CCSER2: variants seen among roughly 807,000 people sequenced by gnomAD.
CCSER2 encodes serine-rich coiled-coil domain-containing protein 2.
CCSER2 carries 46 observed loss-of-function variants against 92.3 expected under a neutral mutation model. The ratio of observed to expected loss-of-function variants is 0.50; its 90% confidence interval spans 0.39 to 0.64. The LOEUF is 0.64. CCSER2 is among the 30% of genes least tolerant of loss of function. The probability of loss-of-function intolerance (pLI) is 0.00; values close to 1 mark genes in which losing one functional copy is unlikely to be tolerated. For missense variants in CCSER2, 1,244 were observed against 1,238.9 expected (o/e 1.00, Z -0.06); for synonymous variants, 433 against 431.4 (o/e 1.00, Z -0.04).
chr10:84,359,217 A>G (rs1845365241), intron 1 of CCSER2, among the ~76,000 whole-genome samples: 2 of 152,160 alleles, frequency 1.3e-5, no homozygotes, highest in Non-Finnish European at 2.9e-5. Context: ...TACTGTATCA[A>G]TAGTATTTTA....
At chr10:84,459,394 T>TTG (rs1845964803) in intron 6 of CCSER2, among the ~76,000 whole-genome samples, 1 of 152,222 alleles carries the variant, frequency 6.6e-6, no homozygotes, top group African/African-American at 2.4e-5. Context: ...TCTTGCCTTA[T>TTG]TGCACTGGAT....
intron 9 of CCSER2, among the ~76,000 whole-genome samples, chr10:84,489,187 TGTG>T (rs767380801): frequency 6.6e-6 from 1 of 152,184 alleles, no homozygotes; most frequent in Non-Finnish European, 1.5e-5. Context: ...ATAAGTGTGA[TGTG>T]GTGCTGAGAA....
chr10:84,347,990 C>T (rs576537207), intron 1 of CCSER2, among the ~76,000 whole-genome samples: 1 of 152,254 alleles, frequency 6.6e-6, no homozygotes, highest in East Asian at 1.9e-4. Context: ...GGCAGAGGGG[C>T]TCCTTGTATC....
At chr10:84,387,472 T>C (rs1302521645) in intron 3 of CCSER2, among the ~76,000 whole-genome samples, 1 of 152,236 alleles carries the variant, frequency 6.6e-6, no homozygotes, top group African/African-American at 2.4e-5. Flanking sequence ...TTTGGCACTT[T>C]ATTTCAGTTT....
chr10:84,457,595 ATATTTATATATTATATATAATTATATATT>A (rs1287827063), intron 6 of CCSER2, among the ~76,000 whole-genome samples: 2 of 116,464 alleles, frequency 1.7e-5, no homozygotes, highest in East Asian at 4.4e-4. Context: ...ATATAATTAT[ATATTTATATATTATATATAATTATATATT>A]TATATATTAT....
chr10:84,496,500 T>C, intron 9 of CCSER2, among the ~76,000 whole-genome samples: 1 of 152,110 alleles, frequency 6.6e-6, no homozygotes, highest in East Asian at 1.9e-4. Context: ...TTAGCCAGGA[T>C]GGTCTGGATC....
intron 8 of CCSER2, among the ~76,000 whole-genome samples, chr10:84,475,134 C>T (rs17103509): frequency 0.21 from 31,876 of 152,064 alleles, 3,597 homozygotes; most frequent in Admixed American, 0.34. Context: ...TCTCAGATAC[C>T]CTAGACTTTC....
At chr10:84,397,961 GA>G in intron 3 of CCSER2, among the ~76,000 whole-genome samples, 2 of 152,184 alleles carry the variant, frequency 1.3e-5, no homozygotes, top group African/African-American at 4.8e-5. Context: ...TATAGCATTT[GA>G]GAAACAGGGT....
intron 3 of CCSER2, among the ~76,000 whole-genome samples, chr10:84,379,256 T>C (rs1840762014): frequency 6.6e-6 from 1 of 152,176 alleles, no homozygotes. Context: ...TTTAGGATTA[T>C]CCTCTTTTTA....
chr10:84,499,664 AT>A (rs1361480213), intron 9 of CCSER2, among the ~76,000 whole-genome samples: 2 of 152,174 alleles, frequency 1.3e-5, no homozygotes, highest in African/African-American at 2.4e-5. Context: ...GAGGAAAATA[AT>A]TTTTTAAAAA....
Position 84,371,821 on chromosome 10 carries a change from C to A in CCSER2, c.769C>A (p.Gln257Lys), listed in dbSNP as rs1846074916. Reference sequence around the variant, plus strand: ...GGATCTTACAAAGCCTTATCAGAACCAACAGCTATCCATTAGAGTGCCTCT... The same window carrying A: ...GGATCTTACAAAGCCTTATCAGAACAAACAGCTATCCATTAGAGTGCCTCT... ...AVDLTKPYQN[Q>K]QLSIRVPLRS... Residue 257 changes from glutamine to lysine, a missense_variant, in exon 2 of 10, where the codon CAA becomes AAA. By Grantham distance (53) the Gln-to-Lys change is moderately conservative. Transcript: ENST00000372088. 6.2e-7 allele frequency: 1 copy of A among 1,613,856 alleles called. No homozygotes were observed. Among genetic ancestry groups the A allele is most frequent in the Non-Finnish European group, 8.5e-7 (1 of 1,179,884 alleles).
chr10:84,414,475 C>T (rs1842798407), intron 3 of CCSER2, among the ~76,000 whole-genome samples: 1 of 152,028 alleles, frequency 6.6e-6, no homozygotes, highest in Non-Finnish European at 1.5e-5. Flanking sequence ...GAATATTGGC[C>T]CCCAACTTCT....
At chr10:84,428,282 G>A (rs1843548262) in intron 5 of CCSER2, among the ~76,000 whole-genome samples, 1 of 152,204 alleles carries the variant, frequency 6.6e-6, no homozygotes, top group Non-Finnish European at 1.5e-5. Context: ...AAATCATCAG[G>A]CATTAGTTAG....
At chr10:84,427,320 A>G (rs1843489011) in intron 5 of CCSER2, among the ~76,000 whole-genome samples, 1 of 152,126 alleles carries the variant, frequency 6.6e-6, no homozygotes, top group South Asian at 2.1e-4. Context: ...GTTTTGAGAC[A>G]CCTACATCCA....
At chr10:84,373,949 G>C in intron 3 of CCSER2, 134 bp downstream of exon 3, 1 of 1,480,258 alleles carries the variant, frequency 6.8e-7, no homozygotes, top group Non-Finnish European at 9.0e-7. Context: ...TATTTGTTAA[G>C]AGCCTATAAA....
At chr10:84,394,497 C>G (rs772163310) in intron 3 of CCSER2, among the ~76,000 whole-genome samples, 4 of 150,712 alleles carry the variant, frequency 2.7e-5, no homozygotes, top group Non-Finnish European at 4.4e-5. Flanking sequence ...GCAAGTTTTA[C>G]CAGTTGGCCA....
intron 6 of CCSER2, among the ~76,000 whole-genome samples, chr10:84,444,679 C>T (rs1844798050): frequency 2.0e-5 from 3 of 152,064 alleles, no homozygotes; most frequent in Non-Finnish European, 4.4e-5. Flanking sequence ...TTCTGTGTCC[C>T]CTTAGCCAAA....
Position 84,371,848 on chromosome 10 carries a change from C to T in CCSER2, c.796C>T (p.Arg266Trp), listed in dbSNP as rs375883422. ...ACAGCTATCCATTAGAGTGCCTCTA[C>T]GGTCAAGTATGCTAACAAGAAATTC... ...NQQLSIRVPL[R>W]SSMLTRNSRQ... Residue 266 changes from arginine to tryptophan, a missense_variant, in exon 2 of 10, where the codon CGG becomes TGG. Transcript: ENST00000372088. 30 of 1,613,680 alleles carry T rather than the reference C, an allele frequency of 1.9e-5. No individual in the cohort carries two copies. The highest frequency in any genetic ancestry group is 1.2e-4 in the South Asian group (11 of 91,078).
chr10:84,391,915 G>T lies in CCSER2; in HGVS notation c.1614+18100G>T, dbSNP rs1327384534. On this transcript the variant is annotated intron_variant, in intron 3 of 9. Coordinates refer to ENST00000372088, the MANE Select transcript of CCSER2 (RefSeq NM_001284240.2). ...TGCATCATGGATTAACCCAAAAGAT[G>T]ATCTCAGAGACACATTCGGTGTAAG... 8 of 1,346,648 alleles carry T rather than the reference G, an allele frequency of 5.9e-6. No homozygotes were observed. The Admixed American group carries it at 1.2e-4, about 20-fold the overall frequency. The allele number at this position is 1,346,648 out of a possible 1,614,324, so 83.4% of individuals were successfully genotyped here. A position where few individuals can be genotyped will look rare whatever the true frequency, so the allele number is the denominator to read the frequency against.
Sources: allele counts gnomAD v4.1 joint callset (sites outside exome capture counted in the v4.1 genomes callset), GRCh38; gene constraint gnomAD v4.1.1; transcripts MANE v1.5; gene names NCBI Gene and HGNC (gene_info 2026-07-23, HGNC 2026-07-21).